CCDC102B: variants seen among roughly 807,000 people sequenced by gnomAD.
CCDC102B encodes the protein coiled-coil domain containing 102B, also known as coiled-coil domain-containing protein 102B.
A neutral mutation model predicts 57.4 loss-of-function variants in CCDC102B; 75 were observed. The observed-to-expected ratio is 1.31, with a 90% CI of 1.08 to 1.58. The LOEUF is 1.58. Among genes scored for constraint, CCDC102B ranks in the 40% most tolerant of loss-of-function variants. The pLI is 0.00. For synonymous variants in CCDC102B, 206 were observed against 201.9 expected (o/e 1.02, Z -0.17); for missense variants, 636 against 582.6 (o/e 1.09, Z -0.94).
At chr18:68,893,782 C>T (rs112156519) in intron 5 of CCDC102B, among the ~76,000 whole-genome samples, 9 of 152,182 alleles carry the variant, frequency 5.9e-5, no homozygotes, top group East Asian at 3.9e-4. Flanking sequence ...TTTTATCCTT[C>T]GGAATAATCA....
chr18:68,731,301 CAT>C (rs1568221256), intron 2 of CCDC102B, among the ~76,000 whole-genome samples: 2 of 151,998 alleles, frequency 1.3e-5, no homozygotes, highest in African/African-American at 4.8e-5. Flanking sequence ...TTGAGTTAAC[CAT>C]AAGTATTTTT....
chr18:69,014,787 A>T (rs1028170157), intron 7 of CCDC102B, among the ~76,000 whole-genome samples: 1 of 151,940 alleles, frequency 6.6e-6, no homozygotes, highest in Admixed American at 6.6e-5. Context: ...ATTACATTTT[A>T]AAAATATTTG....
intron 2 of CCDC102B, among the ~76,000 whole-genome samples, chr18:68,790,571 G>A (rs12606154): frequency 0.068 from 10,415 of 152,162 alleles, 513 homozygotes; most frequent in African/African-American, 0.13. Flanking sequence ...TGCAGTATTC[G>A]GGTGGGAGTG....
chr18:68,883,636 A>G (rs979818764), intron 5 of CCDC102B, among the ~76,000 whole-genome samples: 2 of 152,208 alleles, frequency 1.3e-5, no homozygotes, highest in African/African-American at 4.8e-5. Context: ...AGAACTCTAA[A>G]CTAAACCATT....
At chr18:68,952,962 G>T (rs1001157749) in intron 6 of CCDC102B, among the ~76,000 whole-genome samples, 3 of 152,042 alleles carry the variant, frequency 2.0e-5, no homozygotes, top group Non-Finnish European at 4.4e-5. Flanking sequence ...ACAAGTACTT[G>T]AAATTAGAAA....
At chr18:69,056,681 A>ATAGATAGATAGATAGATAGG (rs1426862753), downstream of CCDC102B, among the ~76,000 whole-genome samples, 18 of 151,282 alleles carry the variant, frequency 1.2e-4, no homozygotes, top group African/African-American at 4.4e-4. Flanking sequence ...AGATAGATAG[A>ATAGATAGATAGATAGATAGG]TAGGATAGAG....
intron 2 of CCDC102B, among the ~76,000 whole-genome samples, chr18:68,724,912 T>G (rs2032521693): frequency 6.6e-6 from 1 of 152,226 alleles, no homozygotes; most frequent in South Asian, 2.1e-4. Context: ...GACTGTTCTC[T>G]TGCTGCGATG....
chr18:69,014,684 G>A (rs2145403799), intron 7 of CCDC102B, among the ~76,000 whole-genome samples: 1 of 152,040 alleles, frequency 6.6e-6, no homozygotes, highest in East Asian at 1.9e-4. Flanking sequence ...GATTCGTTGT[G>A]GAGATAATCA....
chr18:68,955,017 T>C (rs1384964174), intron 6 of CCDC102B, among the ~76,000 whole-genome samples: 2 of 152,182 alleles, frequency 1.3e-5, no homozygotes, highest in Non-Finnish European at 2.9e-5. Flanking sequence ...AATCAAAGCA[T>C]AGAGCTACTA....
intron 6 of CCDC102B, among the ~76,000 whole-genome samples, chr18:69,000,368 A>G (rs1262555977): frequency 6.6e-6 from 1 of 152,180 alleles, no homozygotes; most frequent in Non-Finnish European, 1.5e-5. Flanking sequence ...CTGGGATGAA[A>G]TGATGAAATG....
intron 6 of CCDC102B, among the ~76,000 whole-genome samples, chr18:68,966,619 G>T (rs2050171266): frequency 6.6e-6 from 1 of 152,114 alleles, no homozygotes; most frequent in African/African-American, 2.4e-5. Flanking sequence ...GTTCCCTGGA[G>T]AGAATCTATG....
intron 7 of CCDC102B, among the ~76,000 whole-genome samples, chr18:69,017,839 T>G (rs756611874): frequency 2.8e-4 from 43 of 152,324 alleles, no homozygotes; most frequent in Non-Finnish European, 5.9e-4. Flanking sequence ...TGCTCGCTGC[T>G]TCTATAAATT....
chr18:68,800,465 G>C (rs376229557), intron 1 of CCDC102B, among the ~76,000 whole-genome samples: 7 of 152,118 alleles, frequency 4.6e-5, no homozygotes, highest in African/African-American at 1.4e-4. Flanking sequence ...CTGCAAATAA[G>C]GGGTAATTTT....
intron 6 of CCDC102B, among the ~76,000 whole-genome samples, chr18:68,957,609 G>T: frequency 7.2e-6 from 1 of 139,130 alleles, no homozygotes; most frequent in Non-Finnish European, 1.5e-5. Context: ...GTCTTTTGTG[G>T]TTCCATATGA....
intron 2 of CCDC102B, among the ~76,000 whole-genome samples, chr18:68,771,910 C>A (rs1033429163): frequency 2.2e-5 from 2 of 91,116 alleles, no homozygotes; most frequent in Admixed American, 1.1e-4. Flanking sequence ...ACACACACAT[C>A]TTCTGGAAAT....
chr18:68,967,868 G>A (rs2050203417), intron 6 of CCDC102B, among the ~76,000 whole-genome samples: 1 of 152,034 alleles, frequency 6.6e-6, no homozygotes. Flanking sequence ...GCCATTAAGA[G>A]GGAGTCATTT....
chr18:69,025,548 T>C (rs996980484), intron 7 of CCDC102B, among the ~76,000 whole-genome samples: 8 of 152,362 alleles, frequency 5.3e-5, no homozygotes, highest in Non-Finnish European at 1.0e-4. Context: ...ATTATGTTCT[T>C]AGTCTACACA....
chr18:69,036,948 A>G (rs2052308577), intron 7 of CCDC102B, among the ~76,000 whole-genome samples: 2 of 152,008 alleles, frequency 1.3e-5, no homozygotes, highest in Non-Finnish European at 2.9e-5. Flanking sequence ...CAGGTGATAT[A>G]TGACAGTGCA....
chr18:69,055,089 A>C lies in CCDC102B; in HGVS notation c.*952A>C. ...CAACTTGTAAGATTTAACTCAGTCAATAACATACTGGTTTTACTCATCTCC... is the reference window on the plus strand; with the variant it reads ...CAACTTGTAAGATTTAACTCAGTCACTAACATACTGGTTTTACTCATCTCC... On this transcript the variant is annotated 3_prime_UTR_variant, in exon 8 of 8. Coordinates refer to ENST00000360242, the MANE Select transcript of CCDC102B (RefSeq NM_024781.3). The C allele has an allele frequency of 1.0e-6, 1 of 983,298 alleles. No individual in the cohort carries two copies. Among genetic ancestry groups the C allele is most frequent in the Middle Eastern group, 5.2e-4 (1 of 1,912 alleles). 60.9% of individuals were successfully genotyped at this position (983,298 alleles called of 1,614,324 possible).
Sources: gnomAD v4.1 joint callset for allele counts (sites outside exome capture counted in the v4.1 genomes callset) on GRCh38, gnomAD v4.1.1 for gene constraint, MANE v1.5 for transcripts, NCBI Gene and HGNC (gene_info 2026-07-23, HGNC 2026-07-21) for gene names.